ANKS1A: variants seen among roughly 807,000 people sequenced by gnomAD.
ANKS1A encodes the protein ankyrin repeat and SAM domain-containing protein 1A.
A neutral mutation model predicts 120.3 loss-of-function variants in ANKS1A; 55 were observed. The ratio of observed to expected loss-of-function variants is 0.46; its 90% CI spans 0.37 to 0.57. The LOEUF (loss-of-function observed/expected upper bound fraction) is 0.57. Ranked by LOEUF, ANKS1A falls within the 20% of genes least tolerant of loss-of-function variation. ANKS1A has a pLI of 0.00. For missense variants in ANKS1A, 1,123 were observed against 1,480.3 expected (o/e 0.76, Z 3.96); for synonymous variants, 590 against 604.7 (o/e 0.98, Z 0.36).
At position 35,018,013 on chromosome 6, in the gene ANKS1A, A is replaced by T. The variant is rs749075243; in HGVS notation, c.1964A>T (p.Lys655Met). The T allele has an allele frequency of 1.9e-6, 3 of 1,613,994 alleles. No homozygotes were observed. The change falls in exon 11 of 24, where the codon AAG (lysine) becomes ATG (methionine). Residue 655 changes from lysine to methionine, a missense_variant. By Grantham distance (95) the Lys-to-Met change is moderately conservative. Transcript: ENST00000360359. ...TCCTTATCCAACTGCAGCATTGGGA[A>T]GAAAAGGCTAGAGAAGTCACCCTCC... The part of the protein sequence containing the change: ...SESLSNCSIG[K>M]KRLEKSPSFA...
Position 35,089,344 on chromosome 6 carries a change from CTT to C in ANKS1A, c.*736_*737del. The C allele has an allele frequency of 1.0e-6, 1 of 987,058 alleles. No homozygotes were observed. Among genetic ancestry groups the C allele is most frequent in the African/African-American group, 1.7e-5 (1 of 57,360 alleles). 61.1% of individuals were successfully genotyped at this position (987,058 alleles called of 1,614,324 possible). A position where few individuals can be genotyped will look rare whatever the true frequency, so the allele number is the denominator to read the frequency against. On this transcript the variant is annotated 3_prime_UTR_variant, in exon 24 of 24. Transcript: ENST00000360359. ...TGTGCAGTTTCTAGTGCTGGGAAGT[CTT>C]AGCCAGCACCAGAGCGCCAGGCCTC...
intron 1 of ANKS1A, among the ~76,000 whole-genome samples, chr6:34,907,399 A>G (rs566540132): frequency 6.6e-6 from 1 of 152,286 alleles, no homozygotes; most frequent in East Asian, 1.9e-4. Context: ...CCCCATCTAT[A>G]ACAAAATCCT....
chr6:35,039,055 C>T lies in ANKS1A; in HGVS notation c.2011-15044C>T, dbSNP rs1156719548. ...TCCACACATCCACACACCTTATTCA[C>T]ATTTCACCAGTTTTGCATGTATGTG... On this transcript the variant is annotated intron_variant, in intron 11 of 23. Coordinates refer to ENST00000360359, the MANE Select transcript of ANKS1A (RefSeq NM_015245.3). Among the ~76,000 whole-genome samples, 6 of 149,366 alleles carry T rather than the reference C, an allele frequency of 4.0e-5. No homozygotes were observed. The East Asian group carries it at 9.9e-4, about 25-fold the overall frequency.
chr6:34,902,526 G>A (rs1054352542), intron 1 of ANKS1A, among the ~76,000 whole-genome samples: 3 of 152,176 alleles, frequency 2.0e-5, no homozygotes, highest in Non-Finnish European at 4.4e-5. Flanking sequence ...GGGTTTACAG[G>A]CGTGAGCTAC....
In ANKS1A at chr6:34,894,793, A is replaced by G. The variant is rs146084800; in HGVS notation, c.197+5194A>G. Among the ~76,000 whole-genome samples the G allele has an allele frequency of 4.5e-3, 678 of 152,342 alleles. 4 individuals carry two copies. Among genetic ancestry groups the G allele is most frequent in the African/African-American group, 0.015 (632 of 41,580 alleles). On this transcript the variant is annotated intron_variant, in intron 1 of 23. Transcript: ENST00000360359. ...TGTACTTCTTAGGGTTCAGAAGCAC[A>G]GAGAAACTAAACCGAAGATCACAGT...
At chr6:34,952,710 CTT>C (rs774626309) in intron 1 of ANKS1A, among the ~76,000 whole-genome samples, 5 of 142,236 alleles carry the variant, frequency 3.5e-5, no homozygotes, top group Admixed American at 1.4e-4. Flanking sequence ...TATTTAAGTT[CTT>C]TTTTTTTTTT....
At chr6:34,951,156 A>G (rs1022111466) in intron 1 of ANKS1A, among the ~76,000 whole-genome samples, 3 of 152,200 alleles carry the variant, frequency 2.0e-5, no homozygotes, top group Non-Finnish European at 4.4e-5. Context: ...ATGTCAGCAC[A>G]CTAGACACTG....
chr6:34,944,459 A>G (rs1465388629), intron 1 of ANKS1A, among the ~76,000 whole-genome samples: 2 of 152,188 alleles, frequency 1.3e-5, no homozygotes, highest in African/African-American at 4.8e-5. Context: ...TGAATTCGAT[A>G]TTGAGTGAGT....
At chr6:34,949,514 C>A (rs1182654148) in intron 1 of ANKS1A, among the ~76,000 whole-genome samples, 1 of 152,168 alleles carries the variant, frequency 6.6e-6, no homozygotes, top group Non-Finnish European at 1.5e-5. Context: ...GAGGAAGAGA[C>A]TTGAGGCAGT....
chr6:34,956,876 G>T (rs1247137932), intron 1 of ANKS1A, among the ~76,000 whole-genome samples: 1 of 152,148 alleles, frequency 6.6e-6, no homozygotes, highest in Non-Finnish European at 1.5e-5. Flanking sequence ...GTCCCTGGCT[G>T]TCCTGGATGT....
chr6:34,918,849 T>G (rs1768298513), intron 1 of ANKS1A, among the ~76,000 whole-genome samples: 1 of 152,178 alleles, frequency 6.6e-6, no homozygotes, highest in African/African-American at 2.4e-5. Context: ...ACACTTTATT[T>G]TTTTTATTTA....
chr6:34,997,172 A>G (rs981036311), intron 10 of ANKS1A, among the ~76,000 whole-genome samples: 25 of 150,018 alleles, frequency 1.7e-4, no homozygotes, highest in African/African-American at 5.1e-4. Context: ...AACTATATTG[A>G]GTCTTCCAAT....
At chr6:34,901,406 T>C (rs566738529) in intron 1 of ANKS1A, among the ~76,000 whole-genome samples, 1 of 152,330 alleles carries the variant, frequency 6.6e-6, no homozygotes, top group South Asian at 2.1e-4. Context: ...TAATCCTTGG[T>C]ACTTTAATCT....
chr6:35,015,353 G>T (rs970699317), intron 10 of ANKS1A, among the ~76,000 whole-genome samples: 1 of 152,164 alleles, frequency 6.6e-6, no homozygotes, highest in African/African-American at 2.4e-5. Flanking sequence ...AATAAAATTA[G>T]CTGGGCGTGG....
rs552067099 is a variant in ANKS1A, at chr6:35,030,325, C to T, written c.2010+12266C>T. On this transcript the variant is annotated intron_variant, in intron 11 of 23. Coordinates refer to ENST00000360359, the MANE Select transcript of ANKS1A (RefSeq NM_015245.3). ...GAGAAGCATGTGTTTCCTTTTTTAC[C>T]GTAATATTAAGACTCAAAGCATTTC... is the stretch of plus-strand genomic sequence containing the variant. Among the ~76,000 whole-genome samples the T allele has an allele frequency of 3.6e-4, 55 of 152,190 alleles. No homozygotes were observed. In the South Asian group the frequency reaches 7.9e-3, roughly 22 times the overall value.
At chr6:35,055,577 G>A (rs982894958) in intron 12 of ANKS1A, among the ~76,000 whole-genome samples, 7 of 152,128 alleles carry the variant, frequency 4.6e-5, no homozygotes, top group African/African-American at 9.7e-5. Context: ...ATCCGCCTGC[G>A]TTGGCCTTCC....
In ANKS1A at chr6:35,036,626, CA is replaced by C. The variant is rs1775187049; in HGVS notation, c.2011-17470del. Among the ~76,000 whole-genome samples, 7 of 152,178 alleles carry C rather than the reference CA, an allele frequency of 4.6e-5. No homozygotes were observed. In the South Asian group the frequency reaches 1.4e-3, roughly 31 times the overall value. ...TTTTTGGTTTAAACTGTCAACATAC[CA>C]AATCTGGTTTTGGTTCAGTGACTGA... On this transcript the variant is annotated intron_variant, in intron 11 of 23. Transcript: ENST00000360359.
rs564592639 is a variant in ANKS1A, at chr6:35,043,759, A to G, written c.2011-10340A>G. On this transcript the variant is annotated intron_variant, in intron 11 of 23. Coordinates refer to ENST00000360359, the MANE Select transcript of ANKS1A (RefSeq NM_015245.3). The stretch of plus-strand genomic sequence containing the variant: ...ATGTGGATCTGGGCCCTTTCTTCCA[A>G]TGTAGATCTACTAATTTGGAGTTCT... 2.8e-4 allele frequency among the ~76,000 whole-genome samples: 43 copies of G among 152,210 alleles called. No homozygotes were observed. The South Asian group carries it at 7.9e-3, about 28-fold the overall frequency.
chr6:35,035,013 G>A (rs1306385882), intron 11 of ANKS1A, among the ~76,000 whole-genome samples: 5 of 152,268 alleles, frequency 3.3e-5, no homozygotes, highest in Admixed American at 2.6e-4. Flanking sequence ...CGAGTAAGTG[G>A]CAAATGTTGG....
Sources: gnomAD v4.1 joint callset for allele counts (sites outside exome capture counted in the v4.1 genomes callset) on GRCh38, gnomAD v4.1.1 for gene constraint, MANE v1.5 for transcripts, NCBI Gene and HGNC (gene_info 2026-07-23, HGNC 2026-07-21) for gene names.